AFAP1: variants seen among roughly 807,000 people sequenced by gnomAD.
The protein encoded by AFAP1 is actin filament associated protein 1.
In AFAP1, 75 loss-of-function variants were observed where a neutral mutation model predicts 93.9. That is an observed-to-expected ratio of 0.80 (90% CI 0.66 to 0.97). AFAP1 has a LOEUF of 0.97. Ranked by LOEUF, AFAP1 falls within the 50% of genes least tolerant of loss-of-function variation. The pLI is 0.00. For synonymous variants in AFAP1, 517 were observed against 430.7 expected, an observed-to-expected ratio of 1.20 and a Z score of -2.48; for missense variants, 1,201 against 1,050.8, an observed-to-expected ratio of 1.14 and a Z score of -1.98.
rs1186201669 is a variant in AFAP1, at chr4:7,760,703, G to A, written c.*3062C>T. The A allele has an allele frequency of 1.3e-5, 2 of 152,172 alleles. No homozygotes were observed. Among genetic ancestry groups the A allele is most frequent in the African/African-American group, 4.8e-5 (2 of 41,428 alleles). 9.4% of individuals were successfully genotyped at this position (152,172 alleles called of 1,614,324 possible). A position where few individuals can be genotyped will look rare whatever the true frequency, so the allele number is the denominator to read the frequency against. The stretch of plus-strand genomic sequence containing the variant: ...TAAAAATATATAAATGGAGGTTGAA[G>A]GCTGATGACACCTTAACAAAATAGA... On this transcript the variant is annotated 3_prime_UTR_variant, in exon 18 of 18. Transcript: ENST00000420658.
At chr4:7,901,729 C>T (rs1719127718) in intron 1 of AFAP1, among the ~76,000 whole-genome samples, 1 of 152,260 alleles carries the variant, frequency 6.6e-6, no homozygotes, top group Non-Finnish European at 1.5e-5. Flanking sequence ...GGGGGCTGAA[C>T]TGGATGCATG....
chr4:7,892,296 C>G (rs1359342290), intron 1 of AFAP1, among the ~76,000 whole-genome samples: 2 of 152,190 alleles, frequency 1.3e-5, no homozygotes, highest in African/African-American at 2.4e-5. Flanking sequence ...ACCCGGCCAG[C>G]TGCCAACTGC....
Position 7,758,949 on chromosome 4 carries a change from T to A in AFAP1, c.*4816A>T, listed in dbSNP as rs938568187. 1.3e-5 allele frequency: 2 copies of A among 152,354 alleles called. No homozygotes were observed. Among genetic ancestry groups the A allele is most frequent in the African/African-American group, 4.8e-5 (2 of 41,470 alleles). The allele number at this position is 152,354 out of a possible 1,614,324, so 9.4% of individuals were successfully genotyped here. A position where few individuals can be genotyped will look rare whatever the true frequency, so the allele number is the denominator to read the frequency against. On this transcript the variant is annotated 3_prime_UTR_variant, in exon 18 of 18. Coordinates refer to ENST00000420658, the MANE Select transcript of AFAP1 (RefSeq NM_001134647.2). ...CAGTGAAAATATATTTACAGTCATTTGAAGTGGGCACTACTAACATATTTA... is the reference window on the plus strand; with the variant it reads ...CAGTGAAAATATATTTACAGTCATTAGAAGTGGGCACTACTAACATATTTA...
chr4:7,820,606 CGA>C (rs200217870), intron 6 of AFAP1, among the ~76,000 whole-genome samples: 52 of 151,396 alleles, frequency 3.4e-4, no homozygotes, highest in South Asian at 2.7e-3. Flanking sequence ...GGAGATGAGC[CGA>C]GAGAGAGAGA....
intron 1 of AFAP1, among the ~76,000 whole-genome samples, chr4:7,930,180 A>C (rs1391722250): frequency 6.6e-6 from 1 of 152,198 alleles, no homozygotes; most frequent in Non-Finnish European, 1.5e-5. Context: ...AAAGAATAGA[A>C]CACGGGAACA....
At position 7,872,028 on chromosome 4, in the gene AFAP1, A is replaced by G. The variant is rs780599846; in HGVS notation, c.51T>C (p.His17=). The G allele has an allele frequency of 2.5e-6, 4 of 1,614,014 alleles. No individual in the cohort carries two copies. Among genetic ancestry groups the G allele is most frequent in the Non-Finnish European group, 1.7e-6 (2 of 1,180,034 alleles). ...CCCTGACAGTTGAGGTTAGATATTC[A>G]TGGTCCAGGAGTTCAAGAAAGAGAC... ...ELRLFLELLD[H]EYLTSTVREK... is the part of the protein sequence containing the mutation. The change falls in exon 2 of 18, where the codon CAT becomes CAC. Residue 17 remains histidine, a synonymous_variant. Coordinates refer to ENST00000420658, the MANE Select transcript of AFAP1 (RefSeq NM_001134647.2).
chr4:7,857,239 C>A lies in AFAP1; in HGVS notation c.226-1665G>T, dbSNP rs535919220. The stretch of plus-strand genomic sequence containing the variant: ...TTCTATTGAAAGTATGGGGCTGTTG[C>A]GTTTTTTTAATGTAAACTCTCCAGA... On this transcript the variant is annotated intron_variant, in intron 3 of 17. Transcript: ENST00000420658. Among the ~76,000 whole-genome samples, 3 of 152,188 alleles carry A rather than the reference C, an allele frequency of 2.0e-5. No homozygotes were observed. In the East Asian group the frequency reaches 5.8e-4, roughly 29 times the overall value.
intron 6 of AFAP1, among the ~76,000 whole-genome samples, chr4:7,832,961 T>C (rs1443857579): frequency 1.3e-5 from 2 of 152,138 alleles, no homozygotes; most frequent in Non-Finnish European, 2.9e-5. Context: ...TGTAGGAGAA[T>C]GAAACTGGAT....
intron 11 of AFAP1, among the ~76,000 whole-genome samples, chr4:7,793,141 G>A (rs4538480): frequency 0.11 from 16,507 of 151,482 alleles, 1,393 homozygotes; most frequent in East Asian, 0.48. Context: ...TCAAAAGGAC[G>A]TTTTTATAGA....
In AFAP1 at chr4:7,819,184, C is replaced by CA; in HGVS notation, c.727-14dup. On this transcript the variant is annotated splice_polypyrimidine_tract_variant and intron_variant, in intron 6 of 17. Coordinates refer to ENST00000420658, the MANE Select transcript of AFAP1 (RefSeq NM_001134647.2). Reference sequence around the variant, plus strand: ...CTTCTTTGATCACCTATAAAAAGCACAGACACTTTGTGAGTATGCCCAAAG... The same window carrying CA: ...CTTCTTTGATCACCTATAAAAAGCACAAGACACTTTGTGAGTATGCCCAAAG... 1.9e-6 allele frequency: 3 copies of CA among 1,602,590 alleles called. No individual in the cohort carries two copies. Among genetic ancestry groups the CA allele is most frequent in the Non-Finnish European group, 2.6e-6 (3 of 1,174,928 alleles).
At chr4:7,911,353 T>C (rs887709771) in intron 1 of AFAP1, among the ~76,000 whole-genome samples, 3 of 152,174 alleles carry the variant, frequency 2.0e-5, no homozygotes, top group Non-Finnish European at 2.9e-5. Flanking sequence ...AAAACCAAAC[T>C]GTGAGCTGTA....
chr4:7,771,274 A>G (rs983020980), intron 16 of AFAP1, among the ~76,000 whole-genome samples: 1 of 147,006 alleles, frequency 6.8e-6, no homozygotes, highest in South Asian at 2.1e-4. Flanking sequence ...AACCACAGTG[A>G]CTCAGGAAGT....
intron 17 of AFAP1, among the ~76,000 whole-genome samples, chr4:7,766,194 C>A (rs942486072): frequency 1.3e-5 from 2 of 152,210 alleles, no homozygotes; most frequent in African/African-American, 4.8e-5. Flanking sequence ...AAGTGTTCTG[C>A]AAAGGGGAGG....
chr4:7,805,235 A>G (rs1397516215), intron 9 of AFAP1, among the ~76,000 whole-genome samples: 1 of 152,282 alleles, frequency 6.6e-6, no homozygotes, highest in East Asian at 1.9e-4. Flanking sequence ...TTATGATACC[A>G]AATGAGACGT....
At chr4:7,827,838 G>A (rs1721569137) in intron 6 of AFAP1, among the ~76,000 whole-genome samples, 1 of 152,146 alleles carries the variant, frequency 6.6e-6, no homozygotes, top group East Asian at 1.9e-4. Context: ...AAGGGCGGGT[G>A]ACGTCTCATC....
chr4:7,853,701 C>T (rs1714717343), intron 4 of AFAP1, among the ~76,000 whole-genome samples: 1 of 152,214 alleles, frequency 6.6e-6, no homozygotes, highest in Admixed American at 6.5e-5. Flanking sequence ...ACGCAGGTTT[C>T]ACAAAACCAT....
At chr4:7,882,080 C>T (rs1717883916) in intron 1 of AFAP1, among the ~76,000 whole-genome samples, 3 of 152,128 alleles carry the variant, frequency 2.0e-5, no homozygotes, top group African/African-American at 7.2e-5. Context: ...AGTCAATGAA[C>T]ACGACCCCAT....
chr4:7,858,638 C>G (rs577939604), intron 3 of AFAP1, among the ~76,000 whole-genome samples: 1 of 152,132 alleles, frequency 6.6e-6, no homozygotes, highest in East Asian at 1.9e-4. Context: ...CACGGGAAAG[C>G]AGAGGCCAGG....
intron 11 of AFAP1, among the ~76,000 whole-genome samples, chr4:7,789,247 G>A (rs1717603048): frequency 6.6e-6 from 1 of 152,148 alleles, no homozygotes. Flanking sequence ...AGACAGAAGT[G>A]GAAATGAAGT....
Sources: gnomAD v4.1 joint callset for allele counts (sites outside exome capture counted in the v4.1 genomes callset) on GRCh38, gnomAD v4.1.1 for gene constraint, MANE v1.5 for transcripts, NCBI Gene and HGNC (gene_info 2026-07-23, HGNC 2026-07-21) for gene names.